Variants in EFNA5 observed in about 807,000 individuals in gnomAD.
EFNA5 encodes the protein ephrin A5.
EFNA5 carries 5 observed loss-of-function variants against 22.9 expected under a neutral mutation model. The ratio of observed to expected loss-of-function variants is 0.22; its 90% CI spans 0.11 to 0.46. The LOEUF (loss-of-function observed/expected upper bound fraction) is 0.46, where lower values mean the gene tolerates loss of function less well. Ranked by LOEUF, EFNA5 falls within the 20% of genes least tolerant of loss-of-function variation. The pLI, the probability that EFNA5 is intolerant of heterozygous loss-of-function variation, is 0.99. For missense variants in EFNA5, 237 were observed against 293.3 expected, an observed-to-expected ratio of 0.81 and a Z score of 1.40; for synonymous variants, 113 against 112.2, an observed-to-expected ratio of 1.01 and a Z score of -0.04.
intron 1 of EFNA5, among the ~76,000 whole-genome samples, chr5:107,528,407 C>T (rs1580513783): frequency 6.6e-6 from 1 of 152,070 alleles, no homozygotes; most frequent in African/African-American, 2.4e-5. Flanking sequence ...CATTAATTTA[C>T]TCAGAATATC....
chr5:107,586,585 C>A (rs1415210544), intron 1 of EFNA5, among the ~76,000 whole-genome samples: 1 of 152,152 alleles, frequency 6.6e-6, no homozygotes, highest in African/African-American at 2.4e-5. Context: ...TTTATTACCC[C>A]TCTACCCAAA....
Position 107,482,795 on chromosome 5 carries a change from GCTCT to G in EFNA5, c.126-55290_126-55287del, listed in dbSNP as rs34075560. ...CTCTGTAACCTCTTTCTTTTTGGCT[GCTCT>G]CTCTCTCTCTCTCTGTCTCTCTCTC... is the stretch of plus-strand genomic sequence containing the variant. On this transcript the variant is annotated intron_variant, in intron 1 of 4. Coordinates refer to ENST00000333274, the MANE Select transcript of EFNA5 (RefSeq NM_001962.3). Among the ~76,000 whole-genome samples the G allele has an allele frequency of 3.5e-4, 46 of 130,132 alleles. 1 individual carries two copies. The highest frequency in any genetic ancestry group is 2.7e-3 in the Admixed American group (34 of 12,566). 85.4% of individuals were successfully genotyped at this position (130,132 alleles called of 152,430 possible).
At chr5:107,492,110 C>T (rs769865234) in intron 1 of EFNA5, among the ~76,000 whole-genome samples, 11 of 152,174 alleles carry the variant, frequency 7.2e-5, no homozygotes, top group Non-Finnish European at 1.5e-4. Context: ...GCTGGAATTA[C>T]AGGTATGAGC....
intron 1 of EFNA5, among the ~76,000 whole-genome samples, chr5:107,567,904 A>G (rs1748695095): frequency 1.3e-5 from 2 of 152,044 alleles, no homozygotes; most frequent in African/African-American, 4.8e-5. Context: ...TGTTTATTTT[A>G]TTTTCTTACA....
intron 2 of EFNA5, among the ~76,000 whole-genome samples, chr5:107,406,290 A>G: frequency 6.6e-6 from 1 of 151,898 alleles, no homozygotes; most frequent in Non-Finnish European, 1.5e-5. Flanking sequence ...ATGGCAAAAA[A>G]CTGCAATTAC....
chr5:107,651,683 A>AT (rs1750733645), intron 1 of EFNA5, among the ~76,000 whole-genome samples: 1 of 151,788 alleles, frequency 6.6e-6, no homozygotes, highest in South Asian at 2.1e-4. Flanking sequence ...AAAAAAAAAA[A>AT]AGCTTTGAAA....
At chr5:107,596,534 T>C (rs1749477140) in intron 1 of EFNA5, among the ~76,000 whole-genome samples, 1 of 152,200 alleles carries the variant, frequency 6.6e-6, no homozygotes, top group South Asian at 2.1e-4. Context: ...CCTAGGTTGC[T>C]TCCATCTCTT....
At chr5:107,414,303 T>C (rs1748449912) in intron 2 of EFNA5, among the ~76,000 whole-genome samples, 1 of 152,178 alleles carries the variant, frequency 6.6e-6, no homozygotes, top group South Asian at 2.1e-4. Flanking sequence ...TGTTACTACA[T>C]CTTTAACTGA....
intron 1 of EFNA5, among the ~76,000 whole-genome samples, chr5:107,565,477 T>C (rs659102): frequency 0.053 from 8,092 of 152,268 alleles, 632 homozygotes; most frequent in African/African-American, 0.17. Context: ...AGTTCAACTT[T>C]TATTTTTAAT....
At chr5:107,591,120 T>C (rs1014698155) in intron 1 of EFNA5, among the ~76,000 whole-genome samples, 1 of 151,854 alleles carries the variant, frequency 6.6e-6, no homozygotes, top group African/African-American at 2.4e-5. Flanking sequence ...CGTGTTTGGG[T>C]AGGGTGGGCT....
intron 1 of EFNA5, among the ~76,000 whole-genome samples, chr5:107,667,690 A>T (rs1048310765): frequency 2.0e-5 from 3 of 152,212 alleles, no homozygotes; most frequent in Middle Eastern, 3.2e-3. Context: ...AAAATAAAAA[A>T]AATTATTTAA....
intron 1 of EFNA5, among the ~76,000 whole-genome samples, chr5:107,443,604 G>T (rs152599): frequency 0.5 from 76,453 of 151,910 alleles, 22,223 homozygotes; most frequent in African/African-American, 0.82. Context: ...TGCCATTTCT[G>T]CAGTAGATAT....
intron 1 of EFNA5, among the ~76,000 whole-genome samples, chr5:107,438,104 C>T (rs928211065): frequency 1.3e-4 from 20 of 152,154 alleles, no homozygotes; most frequent in Admixed American, 1.0e-3. Flanking sequence ...GATGTGGTCC[C>T]GTGCACTTAG....
At chr5:107,652,411 T>G (rs1750750948) in intron 1 of EFNA5, among the ~76,000 whole-genome samples, 1 of 152,196 alleles carries the variant, frequency 6.6e-6, no homozygotes. Flanking sequence ...GCTTTCTCTC[T>G]CTCTGTCCAT....
At chr5:107,633,564 G>T (rs1282221339) in intron 1 of EFNA5, among the ~76,000 whole-genome samples, 1 of 152,164 alleles carries the variant, frequency 6.6e-6, no homozygotes, top group Non-Finnish European at 1.5e-5. Flanking sequence ...TTATGCACTA[G>T]AATAACAGGG....
chr5:107,500,291 C>T (rs1239724560), intron 1 of EFNA5, among the ~76,000 whole-genome samples: 4 of 152,174 alleles, frequency 2.6e-5, no homozygotes, highest in East Asian at 1.9e-4. Context: ...CTGTAGGGCA[C>T]GAAGGCTGAT....
rs749580684 is a variant in EFNA5 at position 107,381,228 on chromosome 5, T to C, written c.*27A>G. 3.1e-6 allele frequency: 5 copies of C among 1,602,654 alleles called. No individual in the cohort carries two copies. Among genetic ancestry groups the C allele is most frequent in the Non-Finnish European group, 4.3e-6 (5 of 1,170,864 alleles). The stretch of plus-strand genomic sequence containing the variant: ...GGTGTTCCAAGACCCTGATGTTTTC[T>C]GTGACAAGTGATGGGAGGAGACTGT... On this transcript the variant is annotated 3_prime_UTR_variant, in exon 5 of 5. Transcript: ENST00000333274.
At chr5:107,417,225 T>C (rs1384933174) in intron 2 of EFNA5, among the ~76,000 whole-genome samples, 1 of 152,158 alleles carries the variant, frequency 6.6e-6, no homozygotes, top group Non-Finnish European at 1.5e-5. Flanking sequence ...TGTATATCTC[T>C]AAAAATAGTA....
At chr5:107,492,830 C>G (rs558071877) in intron 1 of EFNA5, among the ~76,000 whole-genome samples, 1 of 152,230 alleles carries the variant, frequency 6.6e-6, no homozygotes, top group South Asian at 2.1e-4. Flanking sequence ...GAAACCTCGT[C>G]TCTACTAAAA....
Sources: allele counts gnomAD v4.1 joint callset (sites outside exome capture counted in the v4.1 genomes callset), GRCh38; gene constraint gnomAD v4.1.1; transcripts MANE v1.5; gene names NCBI Gene and HGNC (gene_info 2026-07-23, HGNC 2026-07-21).